ABCC4: variants seen among roughly 807,000 people sequenced by gnomAD.
The protein encoded by ABCC4 is ATP binding cassette subfamily C member 4 (PEL blood group), also known as ATP-binding cassette sub-family C member 4.
A neutral mutation model predicts 168.5 loss-of-function variants in ABCC4; 102 were observed. The observed-to-expected ratio is 0.61, with a 90% confidence interval of 0.52 to 0.71. ABCC4 has a LOEUF of 0.71. ABCC4 is among the 30% of genes least tolerant of loss of function. The probability of loss-of-function intolerance (pLI) is 0.00; values close to 1 mark genes in which losing one functional copy is unlikely to be tolerated. For missense variants in ABCC4, 1,402 were observed against 1,605.8 expected (o/e 0.87, Z 2.17); for synonymous variants, 617 against 590.7 (o/e 1.04, Z -0.65).
Position 95,220,732 on chromosome 13 carries a change from A to C in ABCC4, c.532-9951T>G, listed in dbSNP as rs367856544. ...AAGGTACCTCCTTCCCACTTTCTCGACTCTATGATAAGCATATCAAATAAC... is the reference window on the plus strand; with the variant it reads ...AAGGTACCTCCTTCCCACTTTCTCGCCTCTATGATAAGCATATCAAATAAC... On this transcript the variant is annotated intron_variant, in intron 4 of 30. Coordinates refer to ENST00000645237, the MANE Select transcript of ABCC4 (RefSeq NM_005845.5). 1.3e-3 allele frequency among the ~76,000 whole-genome samples: 204 copies of C among 152,196 alleles called. 2 individuals carry two copies. The South Asian group carries it at 0.036, about 27-fold the overall frequency.
chr13:95,145,001 A>C (rs991434269), intron 19 of ABCC4, among the ~76,000 whole-genome samples: 9 of 152,186 alleles, frequency 5.9e-5, no homozygotes, highest in African/African-American at 2.2e-4. Context: ...CCAGTAAAAA[A>C]AATGGGCAAA....
In ABCC4 at chr13:95,217,031, C is replaced by T. The variant is rs112780505; in HGVS notation, c.532-6250G>A. ...TCTAATTATTGGTTACTCTAGAATC[C>T]GCATGCCATTAAGAACAATACTGTG... On this transcript the variant is annotated intron_variant, in intron 4 of 30. Coordinates refer to ENST00000645237, the MANE Select transcript of ABCC4 (RefSeq NM_005845.5). Among the ~76,000 whole-genome samples the T allele has an allele frequency of 6.0e-3, 915 of 152,202 alleles. 25 individuals are homozygous for T. The East Asian group carries it at 0.085, about 14-fold the overall frequency.
rs770177836 is a variant in ABCC4 at position 95,074,193 on chromosome 13, G to C, written c.2917+21C>G. 3 of 1,547,366 alleles carry C rather than the reference G, an allele frequency of 1.9e-6. No homozygotes were observed. In the Admixed American group the frequency reaches 5.2e-5, roughly 27 times the overall value. On this transcript the variant is annotated intron_variant, in intron 23 of 30. Coordinates refer to ENST00000645237, the MANE Select transcript of ABCC4 (RefSeq NM_005845.5). Reference sequence around the variant, plus strand: ...ATAAATTGTAATCATACCATACATAGTTATTCACATCTGTACTTACTTTTT... The same window carrying C: ...ATAAATTGTAATCATACCATACATACTTATTCACATCTGTACTTACTTTTT...
At chr13:95,210,867 G>C in intron 4 of ABCC4, 86 bp from the exon 5 acceptor site, 3 of 983,534 alleles carry the variant, frequency 3.1e-6, no homozygotes, top group East Asian at 5.1e-5. Context: ...AGGAAGTCTC[G>C]TGTGATGTCA....
chr13:95,024,238 C>A (rs4773838), intron 30 of ABCC4, among the ~76,000 whole-genome samples: 76,334 of 147,712 alleles, frequency 0.52, 20,064 homozygotes, highest in Admixed American at 0.61. Flanking sequence ...AGTTACTCAG[C>A]TTCTTGTACT....
chr13:95,285,823 A>T (rs192436756), intron 1 of ABCC4, among the ~76,000 whole-genome samples: 291 of 152,294 alleles, frequency 1.9e-3, no homozygotes, highest in South Asian at 3.1e-3. Flanking sequence ...GCCAAAGAAG[A>T]TGCCACCAAA....
intron 19 of ABCC4, among the ~76,000 whole-genome samples, chr13:95,156,919 C>T (rs371058469): frequency 2.0e-5 from 3 of 152,088 alleles, no homozygotes; most frequent in African/African-American, 7.2e-5. Flanking sequence ...ATCATGAAAC[C>T]CCATCTCTAC....
At chr13:95,110,308 CAAAAAA>C (rs61438342) in intron 20 of ABCC4, among the ~76,000 whole-genome samples, 1 of 104,602 alleles carries the variant, frequency 9.6e-6, no homozygotes, top group African/African-American at 3.7e-5. Context: ...GACTCTGTCT[CAAAAAA>C]AAAAAAAAAA....
chr13:95,204,464 T>A (rs993475409), intron 8 of ABCC4, among the ~76,000 whole-genome samples: 39 of 152,156 alleles, frequency 2.6e-4, no homozygotes, highest in African/African-American at 9.4e-4. Flanking sequence ...GCTGTTCTAG[T>A]GATAGTGAGT....
intron 8 of ABCC4, among the ~76,000 whole-genome samples, chr13:95,201,233 A>C (rs769333231): frequency 6.6e-5 from 10 of 152,216 alleles, no homozygotes; most frequent in Non-Finnish European, 1.0e-4. Flanking sequence ...TATCTACAGG[A>C]ACAGGAATTT....
chr13:95,245,289 C>T (rs2040076929), intron 3 of ABCC4, among the ~76,000 whole-genome samples: 1 of 152,308 alleles, frequency 6.6e-6, no homozygotes, highest in South Asian at 2.1e-4. Context: ...AGGCATGCCT[C>T]GAAACCTATG....
Position 95,158,887 on chromosome 13 carries a change from T to C in ABCC4, c.2455+2302A>G, listed in dbSNP as rs539599677. ...GAGTTCGAGACCAGCCCGGGTAACA[T>C]AGTGAGATCCCATCTCTTCAAAATA... On this transcript the variant is annotated intron_variant, in intron 19 of 30. Coordinates refer to ENST00000645237, the MANE Select transcript of ABCC4 (RefSeq NM_005845.5). Among the ~76,000 whole-genome samples, 10 of 151,408 alleles carry C rather than the reference T, an allele frequency of 6.6e-5. No individual in the cohort carries two copies. In the East Asian group the frequency reaches 1.8e-3, roughly 27 times the overall value.
intron 3 of ABCC4, among the ~76,000 whole-genome samples, chr13:95,240,958 G>A (rs1197262038): frequency 6.6e-6 from 1 of 151,122 alleles, no homozygotes; most frequent in Non-Finnish European, 1.5e-5. Flanking sequence ...GTGACAGAGT[G>A]AGACTCTGGC....
Position 95,177,438 on chromosome 13 carries a change from T to A in ABCC4, c.1727+269A>T, listed in dbSNP as rs117589743. On this transcript the variant is annotated intron_variant, in intron 13 of 30. Coordinates refer to ENST00000645237, the MANE Select transcript of ABCC4 (RefSeq NM_005845.5). Reference sequence around the variant, plus strand: ...ACTGTAATTACTAGTAGGGGAAAACTTGCAAAATTTGCCATCTGTTTCTCA... The same window carrying A: ...ACTGTAATTACTAGTAGGGGAAAACATGCAAAATTTGCCATCTGTTTCTCA... Among the ~76,000 whole-genome samples the A allele has an allele frequency of 9.8e-3, 1,493 of 152,296 alleles. 15 individuals are homozygous for A. The highest frequency in any genetic ancestry group is 0.016 in the Non-Finnish European group (1,093 of 68,034).
intron 21 of ABCC4, among the ~76,000 whole-genome samples, chr13:95,079,308 T>C (rs1019002726): frequency 2.6e-5 from 4 of 152,226 alleles, no homozygotes; most frequent in African/African-American, 9.6e-5. Flanking sequence ...ACAGAGATTT[T>C]CTGTCTTCTC....
intron 1 of ABCC4, among the ~76,000 whole-genome samples, chr13:95,252,907 G>T (rs1427377560): frequency 6.6e-6 from 1 of 152,082 alleles, no homozygotes; most frequent in African/African-American, 2.4e-5. Context: ...TCTCTATTTG[G>T]AAGCCACAAA....
intron 23 of ABCC4, chr13:95,073,650 C>A: frequency 5.2e-6 from 1 of 193,678 alleles, no homozygotes; most frequent in Non-Finnish European, 1.1e-5. Flanking sequence ...AATGCAACCA[C>A]AGCTGGAAAC....
At chr13:95,077,205 C>G (rs896859739) in intron 21 of ABCC4, among the ~76,000 whole-genome samples, 1 of 152,232 alleles carries the variant, frequency 6.6e-6, no homozygotes, top group African/African-American at 2.4e-5. Flanking sequence ...AGCACAATGT[C>G]TTTAGCATTC....
intron 3 of ABCC4, among the ~76,000 whole-genome samples, chr13:95,244,596 TGAA>T (rs2040037448): frequency 8.6e-5 from 3 of 34,990 alleles, no homozygotes; most frequent in African/African-American, 5.2e-4. Flanking sequence ...TAAAATAACA[TGAA>T]AGAAAGAAAG....
Sources: gnomAD v4.1 joint callset for allele counts (sites outside exome capture counted in the v4.1 genomes callset) on GRCh38, gnomAD v4.1.1 for gene constraint, MANE v1.5 for transcripts, NCBI Gene and HGNC (gene_info 2026-07-23, HGNC 2026-07-21) for gene names.